COL4A5: variants seen among roughly 807,000 people sequenced by gnomAD.
COL4A5 encodes collagen type IV alpha 5 chain, also known as collagen alpha-5(IV) chain.
In COL4A5, 26 loss-of-function variants were observed where a neutral mutation model predicts 130.2. The observed-to-expected ratio is 0.20, with a 90% CI of 0.15 to 0.28. COL4A5 has a LOEUF of 0.28. Among genes scored for constraint, COL4A5 ranks in the 10% least tolerant of loss-of-function variants. The pLI, the probability that COL4A5 is intolerant of heterozygous loss-of-function variation, is 1.00. For missense variants in COL4A5, 1,131 were observed against 1,344.3 expected (o/e 0.84, Z 2.48); for synonymous variants, 496 against 439.6 (o/e 1.13, Z -1.60).
At chrX:108,687,820 C>G in intron 49 of COL4A5, 126 bp downstream of exon 49, 1 of 584,787 alleles carries the variant, frequency 1.7e-6, no homozygotes, top group Admixed American at 2.6e-5. Context: ...GAATTGAAAA[C>G]CATGTCAAAG....
chrX:108,661,915 CT>C (rs940163539), intron 37 of COL4A5, among the ~76,000 whole-genome samples: 14 of 109,871 alleles, frequency 1.3e-4, no homozygotes, highest in African/African-American at 4.6e-4. Flanking sequence ...TTTAGTATTT[CT>C]TTTTTTTAAG....
intron 2 of COL4A5, among the ~76,000 whole-genome samples, chrX:108,548,372 T>G (rs1393565431): frequency 1.8e-5 from 2 of 111,654 alleles, no homozygotes; most frequent in African/African-American, 6.5e-5. Context: ...AAATAGTCAG[T>G]AATCTTAAAG....
intron 1 of COL4A5, among the ~76,000 whole-genome samples, chrX:108,493,807 G>GA (rs5903326): frequency 9.5e-4 from 82 of 86,709 alleles, no homozygotes; most frequent in Admixed American, 2.9e-3. Context: ...AATCTAAAAA[G>GA]AAAAAAAAAA....
intron 1 of COL4A5, among the ~76,000 whole-genome samples, chrX:108,475,245 G>A (rs2064820179): frequency 9.0e-6 from 1 of 111,052 alleles, no homozygotes; most frequent in South Asian, 3.8e-4. Context: ...ACTTATTTTA[G>A]CAATGTTTTA....
At chrX:108,524,255 T>C (rs1232068737) in intron 1 of COL4A5, among the ~76,000 whole-genome samples, 4 of 112,089 alleles carry the variant, frequency 3.6e-5, no homozygotes, top group South Asian at 7.5e-4. Context: ...CCTGGTCTTA[T>C]AGGGAAATGA....
chrX:108,488,962 C>G (rs1192151238), intron 1 of COL4A5, among the ~76,000 whole-genome samples: 3 of 111,817 alleles, frequency 2.7e-5, no homozygotes, highest in African/African-American at 6.5e-5. Flanking sequence ...CCAACATCCC[C>G]TAGTAACTTT....
chrX:108,621,033 CCTTT>C lies in COL4A5; in HGVS notation c.2677+614_2677+617del, dbSNP rs201672717. 7.7e-3 allele frequency among the ~76,000 whole-genome samples: 847 copies of C among 109,971 alleles called. 3 individuals are homozygous for C. The highest frequency in any genetic ancestry group is 0.014 in the Non-Finnish European group (742 of 52,484). On this transcript the variant is annotated intron_variant, in intron 31 of 52. Coordinates refer to ENST00000328300, the MANE Select transcript of COL4A5 (RefSeq NM_033380.3). ...CTCTCCCTTTTTTTCTTTCTTTTTC[CCTTT>C]CTTTCTCTTTCTTTCTCTTTTCTTT...
At chrX:108,575,885 A>G in intron 9 of COL4A5, 25 bp from the exon 10 acceptor site, 1 of 1,090,620 alleles carries the variant, frequency 9.2e-7, no homozygotes, top group Non-Finnish European at 1.3e-6. Flanking sequence ...TTTTTTCATC[A>G]TTTTCTTTAC....
At position 108,452,562 on chromosome X, in the gene COL4A5, C is replaced by T. The variant is rs376443175; in HGVS notation, c.81+12356C>T. Among the ~76,000 whole-genome samples the T allele has an allele frequency of 3.6e-5, 4 of 111,419 alleles. 1 individual carries two copies. The highest frequency in any genetic ancestry group is 1.9e-4 in the Admixed American group (2 of 10,486). ...TCACATCCCTTGTAAGTTGGATTCC[C>T]AGGTATTTTATTCTCTTTGAAGCAA... is the stretch of plus-strand genomic sequence containing the variant. On this transcript the variant is annotated intron_variant, in intron 1 of 52. Transcript: ENST00000328300.
intron 36 of COL4A5, among the ~76,000 whole-genome samples, chrX:108,628,768 G>A (rs1236447502): frequency 7.2e-5 from 8 of 111,697 alleles, no homozygotes. Flanking sequence ...GGCAAATTAT[G>A]TACTCATTTA....
chrX:108,616,019 A>G (rs1391747650), intron 30 of COL4A5, among the ~76,000 whole-genome samples: 1 of 111,701 alleles, frequency 9.0e-6, no homozygotes, highest in East Asian at 2.8e-4. Context: ...TTTACAATTG[A>G]TTATATGGCA....
intron 44 of COL4A5, among the ~76,000 whole-genome samples, chrX:108,678,767 T>C: frequency 9.0e-6 from 1 of 111,099 alleles, no homozygotes. Flanking sequence ...TAGATATACA[T>C]TAATTTCTAT....
intron 1 of COL4A5, among the ~76,000 whole-genome samples, chrX:108,494,603 TC>T (rs2065018945): frequency 9.0e-6 from 1 of 110,984 alleles, no homozygotes; most frequent in African/African-American, 3.3e-5. Context: ...TTTTTTTTTT[TC>T]AGTGCACTTC....
Position 108,571,809 on chromosome X carries a change from A to G in COL4A5, c.439-2A>G. 1 of 1,175,911 alleles carries G rather than the reference A, an allele frequency of 8.5e-7. No individual in the cohort carries two copies. Among genetic ancestry groups the G allele is most frequent in the Non-Finnish European group, 1.2e-6 (1 of 863,339 alleles). The stretch of plus-strand genomic sequence containing the variant: ...AATAATCCCTTTTCTTTTTAATAAT[A>G]GGGACCCCCTGGGATCCCAGGTATG... On this transcript the variant is annotated splice_acceptor_variant, in intron 7 of 52. Coordinates refer to ENST00000328300, the MANE Select transcript of COL4A5 (RefSeq NM_033380.3). LOFTEE classifies it high-confidence loss of function.
chrX:108,551,539 G>A (rs928692829), intron 2 of COL4A5, among the ~76,000 whole-genome samples: 15 of 112,204 alleles, frequency 1.3e-4, no homozygotes, highest in East Asian at 2.8e-4. Flanking sequence ...TGGTGAGGTT[G>A]CAGAGAAAAG....
chrX:108,695,544 T>G, intron 52 of COL4A5, 105 bp downstream of exon 52: 1 of 850,123 alleles, frequency 1.2e-6, no homozygotes, highest in Non-Finnish European at 1.7e-6. Context: ...TGTTAGGAAT[T>G]TATTGGATTG....
chrX:108,591,412 A>G lies in COL4A5; in HGVS notation c.1340-149A>G, dbSNP rs149356362. ...TGTTTACATTTGCTCTTCATATAGT[A>G]TTTATCAGCAATGTTATATTTTCCT... On this transcript the variant is annotated intron_variant, in intron 20 of 52. Coordinates refer to ENST00000328300, the MANE Select transcript of COL4A5 (RefSeq NM_033380.3). 917 of 614,636 alleles carry G rather than the reference A, an allele frequency of 1.5e-3. 12 individuals carry two copies. In the East Asian group the frequency reaches 0.024, roughly 16 times the overall value. 50.7% of individuals were successfully genotyped at this position (614,636 alleles called of 1,213,427 possible).
chrX:108,658,143 A>G (rs1037341259), intron 37 of COL4A5, among the ~76,000 whole-genome samples: 3 of 111,398 alleles, frequency 2.7e-5, no homozygotes, highest in Admixed American at 9.6e-5. Flanking sequence ...TAGTCATACT[A>G]TAATGGGAAT....
intron 36 of COL4A5, among the ~76,000 whole-genome samples, chrX:108,647,877 T>G (rs2067633958): frequency 8.9e-6 from 1 of 111,799 alleles, no homozygotes; most frequent in African/African-American, 3.3e-5. Context: ...ATATGCTGGA[T>G]TACGTTTATT....
Sources: allele counts gnomAD v4.1 joint callset (sites outside exome capture counted in the v4.1 genomes callset), GRCh38; gene constraint gnomAD v4.1.1; transcripts MANE v1.5; gene names NCBI Gene and HGNC (gene_info 2026-07-23, HGNC 2026-07-21).